SHCBP1L: variants seen among roughly 807,000 people sequenced by gnomAD.
SHCBP1L encodes the protein SHC binding and spindle associated 1 like.
A neutral mutation model predicts 62.5 loss-of-function variants in SHCBP1L; 67 were observed. That is an observed-to-expected ratio of 1.07 (90% CI 0.88 to 1.31). The LOEUF is 1.31. SHCBP1L is among the 40% of genes most tolerant of loss of function. The pLI, the probability that SHCBP1L is intolerant of heterozygous loss-of-function variation, is 0.00. For synonymous variants in SHCBP1L, 284 were observed against 289.4 expected (o/e 0.98, Z 0.19); for missense variants, 823 against 809.8 (o/e 1.02, Z -0.20).
chr1:182,928,998 A>G (rs1052186444), intron 6 of SHCBP1L, among the ~76,000 whole-genome samples: 2 of 152,216 alleles, frequency 1.3e-5, no homozygotes, highest in African/African-American at 4.8e-5. Context: ...AAAAGTAACT[A>G]GAAAGAATGA....
At chr1:182,924,797 A>AAAGG (rs1159802184) in intron 6 of SHCBP1L, among the ~76,000 whole-genome samples, 1 of 122,748 alleles carries the variant, frequency 8.1e-6, no homozygotes, top group Non-Finnish European at 1.6e-5. Flanking sequence ...AGAGAGAAAG[A>AAAGG]AAGGAAGGAA....
intron 9 of SHCBP1L, among the ~76,000 whole-genome samples, chr1:182,900,489 A>G (rs943815858): frequency 7.9e-5 from 12 of 152,070 alleles, no homozygotes; most frequent in African/African-American, 2.7e-4. Flanking sequence ...CTGGAGTGCA[A>G]TGACACAGTC....
chr1:182,953,117 T>G lies in SHCBP1L; in HGVS notation c.17A>C (p.Lys6Thr), dbSNP rs780952217. The change falls in exon 1 of 10, where the codon AAG becomes ACG. Residue 6 changes from lysine to threonine, a missense_variant. Transcript: ENST00000367547. Reference protein sequence around the residue: MASGSKASVPADSFRT... With the variant: MASGSTASVPADSFRT... ...GAATGAGTCCGCGGGCACCGAGGCCTTGGAGCCCGACGCCATCTCCTCAGC... is the reference window on the plus strand; with the variant it reads ...GAATGAGTCCGCGGGCACCGAGGCCGTGGAGCCCGACGCCATCTCCTCAGC... The G allele has an allele frequency of 1.3e-6, 2 of 1,579,024 alleles. No individual in the cohort carries two copies. The highest frequency in any genetic ancestry group is 4.6e-5 in the East Asian group (2 of 43,904).
At chr1:182,943,275 ATTTTTTTTTTT>A (rs767553592) in intron 2 of SHCBP1L, among the ~76,000 whole-genome samples, 18 of 79,094 alleles carry the variant, frequency 2.3e-4, no homozygotes, top group Non-Finnish European at 4.0e-4. Context: ...ACCATTCTTG[ATTTTTTTTTTT>A]TTTTTTTTTT....
intron 2 of SHCBP1L, among the ~76,000 whole-genome samples, chr1:182,943,495 G>A (rs1651448621): frequency 6.7e-6 from 1 of 149,416 alleles, no homozygotes; most frequent in Non-Finnish European, 1.5e-5. Flanking sequence ...TGCCCCAGCT[G>A]GAGTGCAGCG....
At chr1:182,918,133 T>TATATATATACAC (rs1238036723) in intron 6 of SHCBP1L, among the ~76,000 whole-genome samples, 68 of 140,756 alleles carry the variant, frequency 4.8e-4, no homozygotes, top group Middle Eastern at 3.8e-3. Flanking sequence ...CGTGTGTGTG[T>TATATATATACAC]ATATATATAC....
chr1:182,951,167 C>T, intron 2 of SHCBP1L, 151 bp downstream of exon 2: 1 of 554,426 alleles, frequency 1.8e-6, no homozygotes, highest in Non-Finnish European at 2.9e-6. Flanking sequence ...TTCCCCTAAC[C>T]TTCTTTTTAC....
At position 182,918,588 on chromosome 1, in the gene SHCBP1L, G is replaced by T. The variant is rs1165310115; in HGVS notation, c.1182+11059C>A. 3.3e-5 allele frequency among the ~76,000 whole-genome samples: 5 copies of T among 152,196 alleles called. No homozygotes were observed. In the East Asian group the frequency reaches 9.6e-4, roughly 29 times the overall value. Reference sequence around the variant, plus strand: ...CTAAAATAGCAATACTACTTACATTGATCTACAGATTCAATGTAATCCCTA... The same window carrying T: ...CTAAAATAGCAATACTACTTACATTTATCTACAGATTCAATGTAATCCCTA... On this transcript the variant is annotated intron_variant, in intron 6 of 9. Coordinates refer to ENST00000367547, the MANE Select transcript of SHCBP1L (RefSeq NM_030933.4).
intron 6 of SHCBP1L, among the ~76,000 whole-genome samples, chr1:182,918,171 C>CATATATACATATATATATACACAT (rs1650416355): frequency 7.2e-6 from 1 of 139,042 alleles, no homozygotes; most frequent in South Asian, 2.3e-4. Flanking sequence ...TATATACACA[C>CATATATACATATATATATACACAT]ATATATACAT....
rs1651289483 is a variant in SHCBP1L at position 182,939,542 on chromosome 1, TC to T, written c.781del (p.Asp261ThrfsTer83). 6.2e-7 allele frequency: 1 copy of T among 1,601,094 alleles called. No individual in the cohort carries two copies. The highest frequency in any genetic ancestry group is 8.5e-7 in the Non-Finnish European group (1 of 1,175,270). On this transcript the variant is annotated frameshift_variant, in exon 4 of 10. Transcript: ENST00000367547. LOFTEE classifies it high-confidence loss of function. The stretch of plus-strand genomic sequence containing the variant: ...ATCATCCCAGTCTCTCCAAAGAAAG[TC>T]ATAAAAAAACCTACGATAAACCAAA... ...LALEVVRFFYDFLWRDWDDEE... is the reference protein window; with the variant it reads ...LALEVVRFFYXFLWRDWDDEE...
At chr1:182,917,908 C>T (rs1557994043) in intron 6 of SHCBP1L, among the ~76,000 whole-genome samples, 1 of 151,958 alleles carries the variant, frequency 6.6e-6, no homozygotes, top group Non-Finnish European at 1.5e-5. Flanking sequence ...TCAGAAAAGA[C>T]AATGATGCCC....
In SHCBP1L at chr1:182,903,128, C is replaced by G; in HGVS notation, c.1621G>C (p.Ala541Pro). The change falls in exon 9 of 10, where the codon GCT becomes CCT. Residue 541 changes from alanine to proline, a missense_variant. By Grantham distance (27) the Ala-to-Pro change is conservative. Transcript: ENST00000367547. Reference sequence around the variant, plus strand: ...TGAATTTCATTTCTTTCCAAAATAGCTATGCTTCCAGGATACAGTTCAACA... The same window carrying G: ...TGAATTTCATTTCTTTCCAAAATAGGTATGCTTCCAGGATACAGTTCAACA... ...AGVELYPGSI[A>P]ILERNEIHHC... The G allele has an allele frequency of 2.5e-6, 4 of 1,601,202 alleles. No homozygotes were observed. The highest frequency in any genetic ancestry group is 3.4e-6 in the Non-Finnish European group (4 of 1,173,422).
chr1:182,924,301 T>C (rs1650606955), intron 6 of SHCBP1L, among the ~76,000 whole-genome samples: 1 of 150,838 alleles, frequency 6.6e-6, no homozygotes, highest in Admixed American at 6.6e-5. Context: ...GAATCAATTT[T>C]TTTTTTTTTT....
At chr1:182,930,728 T>TGTA (rs1650969514) in intron 5 of SHCBP1L, among the ~76,000 whole-genome samples, 3 of 4,478 alleles carry the variant, frequency 6.7e-4, no homozygotes, top group African/African-American at 1.0e-3. Context: ...TATATATGTA[T>TGTA]TTTTTTTTTT....
Position 182,929,525 on chromosome 1 carries a change from C to T in SHCBP1L, c.1182+122G>A, listed in dbSNP as rs1006830137. ...TATCTATTATATGGCAATAACTGAGCTGGAGGTAGTTGAGAAAATAAGGCA... is the reference window on the plus strand; with the variant it reads ...TATCTATTATATGGCAATAACTGAGTTGGAGGTAGTTGAGAAAATAAGGCA... On this transcript the variant is annotated intron_variant, in intron 6 of 9. Coordinates refer to ENST00000367547, the MANE Select transcript of SHCBP1L (RefSeq NM_030933.4). 9.3e-5 allele frequency: 51 copies of T among 546,164 alleles called. No individual in the cohort carries two copies. In the East Asian group the frequency reaches 1.6e-3, roughly 17 times the overall value. 33.8% of individuals were successfully genotyped at this position (546,164 alleles called of 1,614,324 possible).
chr1:182,916,039 C>A (rs1255508969), intron 6 of SHCBP1L, among the ~76,000 whole-genome samples: 1 of 152,146 alleles, frequency 6.6e-6, no homozygotes, highest in East Asian at 1.9e-4. Flanking sequence ...ATCTCCTGAC[C>A]TTGTGATCCG....
chr1:182,916,603 T>C (rs143068580), intron 6 of SHCBP1L, among the ~76,000 whole-genome samples: 38 of 152,264 alleles, frequency 2.5e-4, no homozygotes, highest in Middle Eastern at 3.4e-3. Context: ...TGAACAATTG[T>C]ACACCAACAA....
chr1:182,951,648 A>C (rs150704724), intron 1 of SHCBP1L, among the ~76,000 whole-genome samples, 181 bp from the exon 2 acceptor site: 1 of 152,266 alleles, frequency 6.6e-6, no homozygotes, highest in East Asian at 1.9e-4. Context: ...AACATCACCA[A>C]CAAAAAATTA....
intron 9 of SHCBP1L, among the ~76,000 whole-genome samples, chr1:182,900,678 G>A (rs920901251): frequency 1.4e-4 from 22 of 152,212 alleles, no homozygotes; most frequent in African/African-American, 4.3e-4. Flanking sequence ...TGATCCACCC[G>A]CCTTGGCTTC....
Sources: gnomAD v4.1 joint callset for allele counts (sites outside exome capture counted in the v4.1 genomes callset) on GRCh38, gnomAD v4.1.1 for gene constraint, MANE v1.5 for transcripts, NCBI Gene and HGNC (gene_info 2026-07-23, HGNC 2026-07-21) for gene names.